Variants in HEPHL1 observed in about 807,000 individuals in gnomAD.
The protein encoded by HEPHL1 is hephaestin like 1, also known as ferroxidase HEPHL1.
Under a neutral mutation model 122.0 loss-of-function variants are expected in HEPHL1, and 123 were observed. The ratio of observed to expected loss-of-function variants is 1.01; its 90% CI spans 0.87 to 1.17. The LOEUF (loss-of-function observed/expected upper bound fraction) is 1.17, where lower values mean the gene tolerates loss of function less well. HEPHL1 is among the 50% of genes most tolerant of loss of function. The pLI, the probability that HEPHL1 is intolerant of heterozygous loss-of-function variation, is 0.00. For synonymous variants in HEPHL1, 527 were observed against 508.9 expected, an observed-to-expected ratio of 1.04 and a Z score of -0.48; for missense variants, 1,452 against 1,430.5, an observed-to-expected ratio of 1.01 and a Z score of -0.24.
In HEPHL1 at chr11:94,086,036, G is replaced by A. The variant is rs1342265946; in HGVS notation, c.1927G>A (p.Val643Ile). The change falls in exon 11 of 20, where the codon GTT (valine) becomes ATT (isoleucine). Residue 643 changes from valine to isoleucine, a missense_variant. Val to Ile is a conservative substitution (Grantham distance 29). Coordinates refer to ENST00000315765, the MANE Select transcript of HEPHL1 (RefSeq NM_001098672.2). ...CTTAAACATGTGTAAAAGGGATAGA[G>A]TTTCCTGGCATCTGATTGGATTGGG... ...PGLNMCKRDR[V>I]SWHLIGLGTD... The A allele has an allele frequency of 1.2e-6, 2 of 1,613,952 alleles. No homozygotes were observed. Among genetic ancestry groups the A allele is most frequent in the Non-Finnish European group, 1.7e-6 (2 of 1,179,872 alleles).
intron 6 of HEPHL1, among the ~76,000 whole-genome samples, chr11:94,071,109 C>T (rs569091319): frequency 6.6e-6 from 1 of 152,226 alleles, no homozygotes; most frequent in South Asian, 2.1e-4. Flanking sequence ...TATGTTCTCT[C>T]TGCGCTCCCA....
chr11:94,082,934 C>T (rs1216115150), intron 10 of HEPHL1, among the ~76,000 whole-genome samples: 1 of 152,032 alleles, frequency 6.6e-6, no homozygotes, highest in Non-Finnish European at 1.5e-5. Context: ...ACTAAAAATA[C>T]AAAACTTAGC....
chr11:94,031,679 A>C (rs1945677139), intron 1 of HEPHL1, among the ~76,000 whole-genome samples: 1 of 152,198 alleles, frequency 6.6e-6, no homozygotes, highest in Non-Finnish European at 1.5e-5. Context: ...TTGTCCTGTG[A>C]TTCCTGGGGT....
At chr11:94,039,463 A>G (rs1193604145) in intron 1 of HEPHL1, among the ~76,000 whole-genome samples, 1 of 149,850 alleles carries the variant, frequency 6.7e-6, no homozygotes, top group Non-Finnish European at 1.5e-5. Context: ...TTGACCACAT[A>G]GTTGGAAGTA....
At chr11:94,051,431 GT>G (rs1945889734) in intron 2 of HEPHL1, among the ~76,000 whole-genome samples, 1 of 152,022 alleles carries the variant, frequency 6.6e-6, no homozygotes, top group Admixed American at 6.5e-5. Flanking sequence ...TCATACACCT[GT>G]TTACCATTTG....
chr11:94,059,779 C>T (rs1591472805), intron 2 of HEPHL1, among the ~76,000 whole-genome samples: 2 of 151,984 alleles, frequency 1.3e-5, no homozygotes, highest in East Asian at 3.9e-4. Context: ...TTAGGGGATT[C>T]TCTCTCCTCA....
At chr11:94,065,670 A>G (rs1946027455) in intron 4 of HEPHL1, among the ~76,000 whole-genome samples, 1 of 152,216 alleles carries the variant, frequency 6.6e-6, no homozygotes, top group Non-Finnish European at 1.5e-5. Context: ...GATGGAGTCA[A>G]TGAAGACATA....
intron 2 of HEPHL1, among the ~76,000 whole-genome samples, chr11:94,060,955 G>A (rs1945981970): frequency 6.6e-6 from 1 of 152,112 alleles, no homozygotes; most frequent in Non-Finnish European, 1.5e-5. Context: ...GAGAGATGAT[G>A]GTAGTTCAGA....
intron 1 of HEPHL1, among the ~76,000 whole-genome samples, chr11:94,036,733 G>A (rs1945728291): frequency 6.6e-6 from 1 of 151,968 alleles, no homozygotes; most frequent in Non-Finnish European, 1.5e-5. Context: ...CAGCTAGTCT[G>A]GAGGCTGAGG....
At chr11:94,079,008 A>G (rs1335170089) in intron 9 of HEPHL1, among the ~76,000 whole-genome samples, 1 of 152,164 alleles carries the variant, frequency 6.6e-6, no homozygotes, top group East Asian at 1.9e-4. Flanking sequence ...CATTAAACCC[A>G]GTTACCCTCC....
rs1422404880 is a variant in HEPHL1 at position 94,064,515 on chromosome 11, G to A, written c.808+5G>A. The A allele has an allele frequency of 1.2e-6, 2 of 1,605,170 alleles. No homozygotes were observed. Among genetic ancestry groups the A allele is most frequent in the South Asian group, 1.1e-5 (1 of 90,394 alleles). On this transcript the variant is annotated splice_donor_5th_base_variant and intron_variant, in intron 4 of 19. Coordinates refer to ENST00000315765, the MANE Select transcript of HEPHL1 (RefSeq NM_001098672.2). ...AGAGGAGTAACAAAATGCATGGTGA[G>A]TACCTCCCATGTTCCCAAACGTATA... is the stretch of plus-strand genomic sequence containing the variant.
chr11:94,089,071 A>G, intron 12 of HEPHL1, 103 bp downstream of exon 12: 2 of 1,059,556 alleles, frequency 1.9e-6, no homozygotes, highest in Non-Finnish European at 2.9e-6. Context: ...GTGTCTCCAC[A>G]GTTCCGGCCG....
intron 9 of HEPHL1, among the ~76,000 whole-genome samples, chr11:94,077,022 T>C (rs532830977): frequency 1.7e-4 from 26 of 152,332 alleles, no homozygotes; most frequent in African/African-American, 6.0e-4. Context: ...AGAATCTTCA[T>C]GTACCCTTCA....
chr11:94,079,461 T>C (rs1205660345), intron 9 of HEPHL1, among the ~76,000 whole-genome samples: 2 of 152,210 alleles, frequency 1.3e-5, no homozygotes, highest in Non-Finnish European at 2.9e-5. Flanking sequence ...TAAAGCATCA[T>C]GTAATTAAGG....
intron 9 of HEPHL1, among the ~76,000 whole-genome samples, chr11:94,078,100 T>C (rs1441532686): frequency 2.0e-5 from 3 of 152,118 alleles, no homozygotes; most frequent in African/African-American, 7.2e-5. Context: ...CCCAGAACAA[T>C]GCATGGCACA....
At chr11:94,090,006 T>C (rs941815145) in intron 12 of HEPHL1, among the ~76,000 whole-genome samples, 1 of 152,130 alleles carries the variant, frequency 6.6e-6, no homozygotes, top group African/African-American at 2.4e-5. Context: ...GACATGCTAC[T>C]GTTCCTATCT....
intron 9 of HEPHL1, among the ~76,000 whole-genome samples, chr11:94,076,202 T>G (rs1946122093): frequency 6.6e-6 from 1 of 152,198 alleles, no homozygotes. Flanking sequence ...CCCGGAAATG[T>G]CTATTGCATG....
intron 9 of HEPHL1, among the ~76,000 whole-genome samples, chr11:94,077,883 G>A (rs190214580): frequency 6.6e-5 from 10 of 152,244 alleles, no homozygotes; most frequent in South Asian, 2.1e-4. Flanking sequence ...TGACCTTTGC[G>A]TGGCTAGTTC....
intron 1 of HEPHL1, among the ~76,000 whole-genome samples, chr11:94,025,041 A>T (rs1335619642): frequency 6.6e-6 from 1 of 152,188 alleles, no homozygotes; most frequent in East Asian, 1.9e-4. Flanking sequence ...AAACATTTGG[A>T]AACCAAAGTT....
Sources: allele counts gnomAD v4.1 joint callset (sites outside exome capture counted in the v4.1 genomes callset), GRCh38; gene constraint gnomAD v4.1.1; transcripts MANE v1.5; gene names NCBI Gene and HGNC (gene_info 2026-07-23, HGNC 2026-07-21).